Variants in SETBP1 observed in about 807,000 individuals in gnomAD.
SETBP1 encodes SET-binding protein.
In SETBP1, 9 loss-of-function variants were observed where a neutral mutation model predicts 101.0. That is an observed-to-expected ratio of 0.09 (90% CI 0.05 to 0.16). The LOEUF is 0.16. Ranked by LOEUF, SETBP1 falls within the 10% of genes least tolerant of loss-of-function variation. SETBP1 has a pLI of 1.00. For synonymous variants in SETBP1, 818 were observed against 788.5 expected (o/e 1.04, Z -0.63); for missense variants, 1,858 against 2,033.8 (o/e 0.91, Z 1.66).
At chr18:44,919,261 A>C (rs534694019) in intron 3 of SETBP1, among the ~76,000 whole-genome samples, 4 of 152,176 alleles carry the variant, frequency 2.6e-5, no homozygotes, top group African/African-American at 9.6e-5. Flanking sequence ...GAGATGTGAG[A>C]GCTCATTTCA....
chr18:44,772,416 G>A (rs543091286), intron 2 of SETBP1, among the ~76,000 whole-genome samples: 5 of 152,282 alleles, frequency 3.3e-5, no homozygotes, highest in East Asian at 1.9e-4. Context: ...GCTGGAGAAC[G>A]CATCCCCTCC....
intron 4 of SETBP1, among the ~76,000 whole-genome samples, chr18:44,985,828 A>G (rs2145257569): frequency 1.3e-5 from 2 of 152,348 alleles, no homozygotes; most frequent in Admixed American, 1.3e-4. Context: ...CAGATTTACA[A>G]TGAAGGGCAC....
At chr18:45,038,732 G>A in intron 5 of SETBP1, 77 bp downstream of exon 5, 2 of 1,482,764 alleles carry the variant, frequency 1.3e-6, no homozygotes, top group South Asian at 2.3e-5. Context: ...ATGGCCTGTT[G>A]AATACAGGTA....
At chr18:44,851,869 A>C (rs1364693208) in intron 2 of SETBP1, among the ~76,000 whole-genome samples, 7 of 152,168 alleles carry the variant, frequency 4.6e-5, no homozygotes, top group Non-Finnish European at 1.5e-5. Context: ...GCTAAGCCTC[A>C]CACCGGCGAG....
In SETBP1 at chr18:45,025,565, A is replaced by C. The variant is rs191103419; in HGVS notation, c.4001-12920A>C. 1.6e-4 allele frequency among the ~76,000 whole-genome samples: 24 copies of C among 152,274 alleles called. No homozygotes were observed. In the East Asian group the frequency reaches 4.2e-3, roughly 27 times the overall value. ...TTTCTAGCACACATTCTGTATCTAC[A>C]TGTGCATGCCTGCACACAATCACTA... On this transcript the variant is annotated intron_variant, in intron 4 of 5. Coordinates refer to ENST00000649279, the MANE Select transcript of SETBP1 (RefSeq NM_015559.3).
At chr18:44,777,522 G>C (rs994801442) in intron 2 of SETBP1, among the ~76,000 whole-genome samples, 1 of 152,164 alleles carries the variant, frequency 6.6e-6, no homozygotes, top group Non-Finnish European at 1.5e-5. Flanking sequence ...ATGTCCTGGG[G>C]CTGCCATCCC....
At chr18:44,802,441 C>T (rs187880354) in intron 2 of SETBP1, among the ~76,000 whole-genome samples, 55 of 152,226 alleles carry the variant, frequency 3.6e-4, no homozygotes, top group Middle Eastern at 3.4e-3. Context: ...AAAGAATAAG[C>T]GACAACTTTG....
chr18:44,905,422 A>G (rs936266838), intron 3 of SETBP1, among the ~76,000 whole-genome samples: 1 of 152,184 alleles, frequency 6.6e-6, no homozygotes, highest in African/African-American at 2.4e-5. Flanking sequence ...TGTATATGTT[A>G]TTTACTTTAT....
intron 2 of SETBP1, among the ~76,000 whole-genome samples, chr18:44,817,757 C>T (rs754843385): frequency 1.3e-5 from 2 of 151,400 alleles, no homozygotes; most frequent in Non-Finnish European, 2.9e-5. Flanking sequence ...GCGGGGACTA[C>T]GAACATTCTT....
intron 3 of SETBP1, among the ~76,000 whole-genome samples, chr18:44,915,212 T>C (rs1177135814): frequency 3.3e-5 from 5 of 152,222 alleles, no homozygotes; most frequent in African/African-American, 4.8e-5. Context: ...CACTTCATTA[T>C]GCTCCAGGAC....
intron 4 of SETBP1, among the ~76,000 whole-genome samples, chr18:45,006,113 C>T (rs1216815512): frequency 6.6e-6 from 1 of 151,514 alleles, no homozygotes; most frequent in Non-Finnish European, 1.5e-5. Context: ...ACCACCATGC[C>T]CAGCTAAGTT....
chr18:44,919,929 T>C (rs1333389006), intron 3 of SETBP1, among the ~76,000 whole-genome samples: 3 of 152,196 alleles, frequency 2.0e-5, no homozygotes, highest in Non-Finnish European at 4.4e-5. Context: ...TTGTTTGTTT[T>C]CCTATCTCCT....
In SETBP1 at chr18:44,952,301, G is replaced by T. The variant is rs755995236; in HGVS notation, c.2961G>T (p.Arg987=). Residue 987 remains arginine, a synonymous_variant, in exon 4 of 6, where the codon CGG becomes CGT. Transcript: ENST00000649279. ...AGAATCCATATCCCAGCATTTTTCG[G>T]ATTAATTTTGATCACTATTACCCGG... ...YHENPYPSIF[R]INFDHYYPVP... The T allele has an allele frequency of 1.5e-5, 24 of 1,613,908 alleles. No individual in the cohort carries two copies. Among genetic ancestry groups the T allele is most frequent in the Non-Finnish European group, 1.9e-5 (23 of 1,180,016 alleles).
intron 1 of SETBP1, among the ~76,000 whole-genome samples, chr18:44,692,966 C>T (rs2068958630): frequency 6.6e-6 from 1 of 152,130 alleles, no homozygotes; most frequent in South Asian, 2.1e-4. Flanking sequence ...ACTTACCACA[C>T]AAGTGCAGAG....
chr18:44,701,026 G>A (rs1483956309), intron 1 of SETBP1, 149 bp from the exon 2 acceptor site: 1 of 242,620 alleles, frequency 4.1e-6, no homozygotes, highest in African/African-American at 2.2e-5. Context: ...TCCAATTTGG[G>A]GATGTGCTTA....
intron 2 of SETBP1, among the ~76,000 whole-genome samples, chr18:44,806,134 G>A (rs1045079417): frequency 6.6e-6 from 1 of 152,130 alleles, no homozygotes; most frequent in African/African-American, 2.4e-5. Context: ...TGAAGGAAAT[G>A]CCACTTTAGG....
At chr18:44,947,878 A>T (rs2071245848) in intron 3 of SETBP1, among the ~76,000 whole-genome samples, 1 of 152,150 alleles carries the variant, frequency 6.6e-6, no homozygotes, top group South Asian at 2.1e-4. Flanking sequence ...ATACACTGAT[A>T]CCCTAAGGAG....
At chr18:44,702,556 A>G (rs182460282) in intron 2 of SETBP1, among the ~76,000 whole-genome samples, 2 of 152,368 alleles carry the variant, frequency 1.3e-5, no homozygotes, top group Admixed American at 1.3e-4. Context: ...CAGCTAAGCC[A>G]TAACAAACTT....
chr18:44,825,779 AGC>A, intron 2 of SETBP1, among the ~76,000 whole-genome samples: 1 of 152,342 alleles, frequency 6.6e-6, no homozygotes, highest in East Asian at 1.9e-4. Context: ...CTTTGCCGGG[AGC>A]TCTTCATTCA....
Sources: gnomAD v4.1 joint callset for allele counts (sites outside exome capture counted in the v4.1 genomes callset) on GRCh38, gnomAD v4.1.1 for gene constraint, MANE v1.5 for transcripts, NCBI Gene and HGNC (gene_info 2026-07-23, HGNC 2026-07-21) for gene names.